Variants in SYNE1 observed in about 807,000 individuals in gnomAD.
SYNE1 encodes the protein nesprin-1.
Under a neutral mutation model 1,111.0 loss-of-function variants are expected in SYNE1, and 616 were observed. The observed-to-expected ratio is 0.55, with a 90% CI of 0.52 to 0.59. The LOEUF is 0.59. Ranked by LOEUF, SYNE1 falls within the 20% of genes least tolerant of loss-of-function variation. SYNE1 has a pLI of 0.00. For missense variants in SYNE1, 10,006 were observed against 10,417.0 expected, an observed-to-expected ratio of 0.96 and a Z score of 1.72; for synonymous variants, 3,855 against 3,825.8, an observed-to-expected ratio of 1.01 and a Z score of -0.28.
chr6:152,520,374 C>A lies in SYNE1; in HGVS notation c.309+85G>T. The A allele has an allele frequency of 3.9e-6, 5 of 1,286,018 alleles. No homozygotes were observed. The South Asian group carries it at 5.9e-5, about 15-fold the overall frequency. The allele number at this position is 1,286,018 out of a possible 1,614,324, so 79.7% of individuals were successfully genotyped here. On this transcript the variant is annotated intron_variant, in intron 6 of 145. Coordinates refer to ENST00000367255, the MANE Select transcript of SYNE1 (RefSeq NM_182961.4). ...TATAGATTACATGCCATCCTCCTAT[C>A]TGACTACAGATAGGAGCCAATACTG... is the stretch of plus-strand genomic sequence containing the variant.
intron 53 of SYNE1, 63 bp downstream of exon 53, chr6:152,390,217 G>A: frequency 6.3e-7 from 1 of 1,578,378 alleles, no homozygotes. Flanking sequence ...CCTCAGTACT[G>A]CTCCATCATT....
intron 78 of SYNE1, among the ~76,000 whole-genome samples, chr6:152,328,086 C>A (rs1240735408): frequency 6.6e-6 from 1 of 152,080 alleles, no homozygotes; most frequent in Non-Finnish European, 1.5e-5. Flanking sequence ...TCGTGTCAGA[C>A]CCAATGCTAA....
chr6:152,434,068 C>T lies in SYNE1; in HGVS notation c.4311-123G>A, dbSNP rs2098452414. ...ATTTGTGACCATTTCAAAGTTGAAACTATTCACGCTAAAAAAAAAATTGCA... is the reference window on the plus strand; with the variant it reads ...ATTTGTGACCATTTCAAAGTTGAAATTATTCACGCTAAAAAAAAAATTGCA... On this transcript the variant is annotated intron_variant, in intron 33 of 145. Coordinates refer to ENST00000367255, the MANE Select transcript of SYNE1 (RefSeq NM_182961.4). 3.3e-6 allele frequency: 3 copies of T among 919,574 alleles called. No individual in the cohort carries two copies. The South Asian group carries it at 5.1e-5, about 15-fold the overall frequency. The allele number at this position is 919,574 out of a possible 1,614,324, so 57.0% of individuals were successfully genotyped here. A position where few individuals can be genotyped will look rare whatever the true frequency, so the allele number is the denominator to read the frequency against.
intron 59 of SYNE1, among the ~76,000 whole-genome samples, chr6:152,370,243 T>A (rs1429120820): frequency 3.3e-5 from 5 of 152,100 alleles, no homozygotes; most frequent in Non-Finnish European, 7.4e-5. Flanking sequence ...TAGGTTGGAT[T>A]GTGAATTTTC....
At chr6:152,168,084 C>G (rs1462068163) in intron 130 of SYNE1, 1 of 780,834 alleles carries the variant, frequency 1.3e-6, no homozygotes, top group Non-Finnish European at 2.4e-6. Context: ...AAGCTATGTA[C>G]AATGGAAGAA....
In SYNE1 at chr6:152,329,746, G is replaced by A. The variant is rs758221444; in HGVS notation, c.14939C>T (p.Ala4980Val). Residue 4980 changes from alanine (A) to valine (V), a missense_variant, in exon 78 of 146, where the codon GCC (alanine) becomes GTC (valine). Around this residue, in one of 7 missense-constraint regions of SYNE1, gnomAD observed 4,955 missense variants for 5,017.2 expected, o/e 0.99. Transcript: ENST00000367255. Reference sequence around the variant, plus strand: ...TATACCCACCTGTCTGGTGCGTAAGGCTTCCTGGATGTCTCCATCCAGCTC... The same window carrying A: ...TATACCCACCTGTCTGGTGCGTAAGACTTCCTGGATGTCTCCATCCAGCTC... ...LSELDGDIQE[A>V]LRTRQATLTE... The A allele has an allele frequency of 3.1e-6, 5 of 1,614,070 alleles. No individual in the cohort carries two copies. Among genetic ancestry groups the A allele is most frequent in the Non-Finnish European group, 4.2e-6 (5 of 1,180,040 alleles).
chr6:152,183,398 C>A (rs1057077904), intron 128 of SYNE1, among the ~76,000 whole-genome samples: 1 of 152,106 alleles, frequency 6.6e-6, no homozygotes. Flanking sequence ...GGGCAGAGTT[C>A]AAGACCAGCC....
rs2095509622 is a variant in SYNE1 at position 152,310,337 on chromosome 6, T to C, written c.17019+59A>G. 22 of 1,608,798 alleles carry C rather than the reference T, an allele frequency of 1.4e-5. No individual in the cohort carries two copies. In the South Asian group the frequency reaches 2.4e-4, roughly 18 times the overall value. On this transcript the variant is annotated intron_variant, in intron 89 of 145. Coordinates refer to ENST00000367255, the MANE Select transcript of SYNE1 (RefSeq NM_182961.4). ...GAGTTTAGGAGGCATTTTTCCTTAC[T>C]ATCCTCTTTTAAAAATATAGGTCCC...
At chr6:152,615,564 A>C (rs1019109954) in intron 3 of SYNE1, among the ~76,000 whole-genome samples, 13 of 152,202 alleles carry the variant, frequency 8.5e-5, no homozygotes, top group African/African-American at 3.1e-4. Context: ...TTTATCACAC[A>C]GTTGAGACAT....
intron 45 of SYNE1, among the ~76,000 whole-genome samples, chr6:152,405,742 A>C (rs943356079): frequency 6.6e-6 from 1 of 152,206 alleles, no homozygotes; most frequent in Non-Finnish European, 1.5e-5. Flanking sequence ...AGCTGAGGAC[A>C]CTGCGGTATC....
chr6:152,570,723 G>T (rs907773959), intron 3 of SYNE1, among the ~76,000 whole-genome samples: 2 of 152,066 alleles, frequency 1.3e-5, no homozygotes, highest in African/African-American at 4.8e-5. Context: ...TCAAAACAAT[G>T]GTATCCCCTT....
chr6:152,527,890 C>A (rs2099170646), intron 4 of SYNE1, among the ~76,000 whole-genome samples: 1 of 152,084 alleles, frequency 6.6e-6, no homozygotes, highest in South Asian at 2.1e-4. Context: ...CTCACTTCTG[C>A]CTCTCTTCTT....
At chr6:152,293,886 C>T (rs374771956) in intron 94 of SYNE1, 74 bp downstream of exon 94, 7 of 1,610,352 alleles carry the variant, frequency 4.3e-6, no homozygotes, top group Non-Finnish European at 1.7e-6. Context: ...AAACTCTCTG[C>T]ATGTATTTCA....
intron 11 of SYNE1, among the ~76,000 whole-genome samples, chr6:152,495,189 C>T (rs966696225): frequency 2.6e-5 from 4 of 152,090 alleles, no homozygotes; most frequent in Admixed American, 6.6e-5. Context: ...TCAGGGAGTT[C>T]GCCCCTGCCC....
intron 93 of SYNE1, among the ~76,000 whole-genome samples, chr6:152,298,298 G>T (rs1184736940): frequency 6.6e-6 from 1 of 152,188 alleles, no homozygotes; most frequent in African/African-American, 2.4e-5. Context: ...GAAGGCCAAT[G>T]ATTTTCCCAT....
At chr6:152,266,914 T>C (rs1198463538) in intron 100 of SYNE1, among the ~76,000 whole-genome samples, 1 of 152,228 alleles carries the variant, frequency 6.6e-6, no homozygotes, top group Non-Finnish European at 1.5e-5. Context: ...GTTTAATTCC[T>C]ATGTCGTCCA....
Position 152,151,696 on chromosome 6 carries a change from A to C in SYNE1, c.24313-6T>G. On this transcript the variant is annotated splice_region_variant and splice_polypyrimidine_tract_variant and intron_variant, in intron 134 of 145. Coordinates refer to ENST00000367255, the MANE Select transcript of SYNE1 (RefSeq NM_182961.4). ...TCACGCTGGCCAATAAAATGCTGGA[A>C]GGCAAGAGGAAAGTAGTAACAATTA... The C allele has an allele frequency of 3.1e-6, 5 of 1,613,816 alleles. No homozygotes were observed. The highest frequency in any genetic ancestry group is 4.2e-6 in the Non-Finnish European group (5 of 1,179,850).
chr6:152,505,648 G>A (rs547017273), intron 8 of SYNE1, among the ~76,000 whole-genome samples: 27 of 152,272 alleles, frequency 1.8e-4, no homozygotes, highest in African/African-American at 4.8e-4. Flanking sequence ...AAGTTAAAGC[G>A]TATTTTTACA....
At chr6:152,496,332 A>G (rs2098999138) in intron 11 of SYNE1, among the ~76,000 whole-genome samples, 1 of 152,232 alleles carries the variant, frequency 6.6e-6, no homozygotes, top group Non-Finnish European at 1.5e-5. Context: ...GTATGACAAC[A>G]TAAAAAAACT....
Sources: gnomAD v4.1 joint callset for allele counts (sites outside exome capture counted in the v4.1 genomes callset) on GRCh38, gnomAD v4.1.1 for gene constraint, gnomAD v4.1.1 regional missense constraint, MANE v1.5 for transcripts, NCBI Gene and HGNC (gene_info 2026-07-23, HGNC 2026-07-21) for gene names.